Variants in PLD5 observed in about 807,000 individuals in gnomAD.
PLD5 encodes the protein inactive phospholipase D5.
A neutral mutation model predicts 61.1 loss-of-function variants in PLD5; 36 were observed. That is an observed-to-expected ratio of 0.59 (90% CI 0.45 to 0.78). The LOEUF (loss-of-function observed/expected upper bound fraction) is 0.78, where lower values mean the gene tolerates loss of function less well. PLD5 is among the 30% of genes least tolerant of loss of function. The pLI, the probability that PLD5 is intolerant of heterozygous loss-of-function variation, is 0.00. For synonymous variants in PLD5, 243 were observed against 242.8 expected (o/e 1.00, Z -0.01); for missense variants, 515 against 644.4 (o/e 0.80, Z 2.17).
intron 1 of PLD5, among the ~76,000 whole-genome samples, chr1:242,358,198 TAA>T (rs1660864902): frequency 6.6e-6 from 1 of 152,248 alleles, no homozygotes; most frequent in Admixed American, 6.5e-5. Flanking sequence ...TTAACTTTGT[TAA>T]GAGGATTATT....
chr1:242,282,044 CATA>C (rs1171258918), intron 3 of PLD5, among the ~76,000 whole-genome samples: 7 of 152,214 alleles, frequency 4.6e-5, no homozygotes, highest in African/African-American at 1.7e-4. Context: ...GTGTGAGAGC[CATA>C]ATAAGAACTT....
chr1:242,111,426 G>A (rs1302197658), intron 7 of PLD5, among the ~76,000 whole-genome samples: 2 of 152,030 alleles, frequency 1.3e-5, no homozygotes, highest in Non-Finnish European at 2.9e-5. Context: ...CTACTACCTT[G>A]AAAACTAGAA....
chr1:242,416,425 G>A (rs1477928041), intron 1 of PLD5, among the ~76,000 whole-genome samples: 1 of 152,136 alleles, frequency 6.6e-6, no homozygotes, highest in Non-Finnish European at 1.5e-5. Flanking sequence ...TGTCTTAAGA[G>A]AAGGATTCAG....
chr1:242,420,038 G>T (rs535322649), intron 1 of PLD5, among the ~76,000 whole-genome samples: 1 of 152,038 alleles, frequency 6.6e-6, no homozygotes, highest in Admixed American at 6.6e-5. Context: ...CGATAAACTT[G>T]TTACCTCCAG....
At chr1:242,149,630 A>G (rs1037184131) in intron 5 of PLD5, among the ~76,000 whole-genome samples, 3 of 151,400 alleles carry the variant, frequency 2.0e-5, no homozygotes, top group African/African-American at 7.3e-5. Flanking sequence ...AGTATTTACT[A>G]CATATTCAGT....
chr1:242,415,155 A>G (rs1032258386), intron 1 of PLD5, among the ~76,000 whole-genome samples: 1 of 152,230 alleles, frequency 6.6e-6, no homozygotes, highest in African/African-American at 2.4e-5. Flanking sequence ...GGAGGTAGGA[A>G]CCCAAAATGG....
intron 5 of PLD5, among the ~76,000 whole-genome samples, chr1:242,189,026 G>T (rs1011600031): frequency 1.3e-5 from 2 of 152,206 alleles, no homozygotes; most frequent in Non-Finnish European, 1.5e-5. Flanking sequence ...ATTGTCATAT[G>T]AAAAGAGAAG....
At position 242,348,072 on chromosome 1, in the gene PLD5, C is replaced by T. The variant is rs1243165989; in HGVS notation, c.326+34G>A. 3.7e-6 allele frequency: 6 copies of T among 1,608,312 alleles called. No individual in the cohort carries two copies. In the South Asian group the frequency reaches 5.6e-5, roughly 15 times the overall value. ...GCCCTCTTTGGATTTCTTGCCCGCC[C>T]CCTAAAAGAGAATTTTTGTTTGTTA... On this transcript the variant is annotated intron_variant, in intron 2 of 9. Transcript: ENST00000536534.
intron 1 of PLD5, among the ~76,000 whole-genome samples, chr1:242,394,326 G>A: frequency 1.3e-5 from 1 of 79,166 alleles, no homozygotes; most frequent in Non-Finnish European, 2.4e-5. Context: ...GTATATATGA[G>A]TATATATGTG....
intron 1 of PLD5, among the ~76,000 whole-genome samples, chr1:242,411,316 AG>A (rs1341997056): frequency 6.6e-6 from 1 of 152,162 alleles, no homozygotes. Context: ...GCTCACTGCA[AG>A]CTCCGCCTCC....
Position 242,089,744 on chromosome 1 carries a change from A to C in PLD5, c.*110T>G. The C allele has an allele frequency of 1.5e-6, 2 of 1,358,902 alleles. No homozygotes were observed. Among genetic ancestry groups the C allele is most frequent in the South Asian group, 2.7e-5 (2 of 74,594 alleles). 84.2% of individuals were successfully genotyped at this position (1,358,902 alleles called of 1,614,324 possible). On this transcript the variant is annotated 3_prime_UTR_variant, in exon 10 of 10. Transcript: ENST00000536534. ...TGTTGTTCAGAGAATATTTTTTATA[A>C]GTGTGCTTTTTCCCTAAAAAAAGAG...
At chr1:242,209,398 T>C (rs1669650291) in intron 5 of PLD5, 1 of 152,212 alleles carries the variant, frequency 6.6e-6, no homozygotes, top group Admixed American at 6.5e-5. Flanking sequence ...TTTTACAAAT[T>C]GAAGATCTGT....
intron 5 of PLD5, among the ~76,000 whole-genome samples, chr1:242,218,498 T>A (rs938000733): frequency 6.6e-6 from 1 of 152,164 alleles, no homozygotes; most frequent in Non-Finnish European, 1.5e-5. Context: ...GATTAGTGAG[T>A]TTGCAGAGCT....
In PLD5 at chr1:242,446,844, G is replaced by A. The variant is rs186009548; in HGVS notation, c.189+77244C>T. ...ACTTGTTGTCAGGCACCCATCTAGC[G>A]CCTGCTCTCTTCCTCTCTACTTTGA... On this transcript the variant is annotated intron_variant, in intron 1 of 9. Transcript: ENST00000536534. Among the ~76,000 whole-genome samples the A allele has an allele frequency of 1.4e-4, 21 of 152,268 alleles. No homozygotes were observed. In the East Asian group the frequency reaches 3.1e-3, roughly 22 times the overall value.
chr1:242,126,326 T>A (rs1333142968), intron 5 of PLD5, among the ~76,000 whole-genome samples: 1 of 152,148 alleles, frequency 6.6e-6, no homozygotes, highest in East Asian at 1.9e-4. Flanking sequence ...AAAATTCATA[T>A]GGGACGAAAA....
At chr1:242,231,370 C>T (rs1671290823) in intron 4 of PLD5, among the ~76,000 whole-genome samples, 1 of 152,196 alleles carries the variant, frequency 6.6e-6, no homozygotes, top group Admixed American at 6.5e-5. Flanking sequence ...GAGCCCAGCA[C>T]AGTTGCAGTG....
intron 2 of PLD5, among the ~76,000 whole-genome samples, chr1:242,320,406 G>A (rs1370408383): frequency 6.6e-6 from 1 of 152,168 alleles, no homozygotes; most frequent in Admixed American, 6.5e-5. Context: ...GAGGCAGCCC[G>A]GCAGAGCTAG....
intron 1 of PLD5, among the ~76,000 whole-genome samples, chr1:242,389,572 A>G (rs2809977): frequency 0.46 from 68,593 of 150,714 alleles, 15,837 homozygotes; most frequent in East Asian, 0.58. Context: ...TGAGGGGGGG[A>G]AAATCTGTTT....
intron 9 of PLD5, among the ~76,000 whole-genome samples, chr1:242,092,034 G>T (rs12726024): frequency 6.6e-6 from 1 of 151,746 alleles, no homozygotes; most frequent in African/African-American, 2.4e-5. Flanking sequence ...CACCATTTTG[G>T]CCAGGCTGGT....
Sources: allele counts gnomAD v4.1 joint callset (sites outside exome capture counted in the v4.1 genomes callset), GRCh38; gene constraint gnomAD v4.1.1; transcripts MANE v1.5; gene names NCBI Gene and HGNC (gene_info 2026-07-23, HGNC 2026-07-21).